The following INPP5A variants were observed in gnomAD, a reference collection of about 807,000 sequenced individuals.
The protein encoded by INPP5A is 43 kDa inositol polyphosphate 5-phophatase.
A neutral mutation model predicts 65.2 loss-of-function variants in INPP5A; 14 were observed. The ratio of observed to expected loss-of-function variants is 0.21; its 90% CI spans 0.14 to 0.34. The LOEUF (loss-of-function observed/expected upper bound fraction) is 0.34. Ranked by LOEUF, INPP5A falls within the 10% of genes least tolerant of loss-of-function variation. The probability of loss-of-function intolerance (pLI) is 1.00; values close to 1 mark genes in which losing one functional copy is unlikely to be tolerated. For synonymous variants in INPP5A, 207 were observed against 208.3 expected, an observed-to-expected ratio of 0.99 and a Z score of 0.05; for missense variants, 431 against 545.6, an observed-to-expected ratio of 0.79 and a Z score of 2.09.
intron 1 of INPP5A, among the ~76,000 whole-genome samples, chr10:132,586,336 G>GT (rs2071544390): frequency 6.6e-6 from 1 of 152,230 alleles, no homozygotes; most frequent in South Asian, 2.1e-4. Flanking sequence ...CACACGTTTG[G>GT]TTTTTTGTGA....
intron 12 of INPP5A, among the ~76,000 whole-genome samples, chr10:132,774,987 G>A (rs1368146127): frequency 2.0e-5 from 2 of 99,810 alleles, no homozygotes; most frequent in Admixed American, 1.0e-4. Context: ...GGGAGGAGGG[G>A]CAGGGAGGAG....
rs182224834 is a variant in INPP5A at position 132,776,063 on chromosome 10, C to T, written c.978-1608C>T. ...CAGGCCCCTGCCTGCATCCAGTTTC[C>T]ACTCGTGTCCGCGGTTGGGATCAGC... On this transcript the variant is annotated intron_variant, in intron 12 of 15. Coordinates refer to ENST00000368594, the MANE Select transcript of INPP5A (RefSeq NM_005539.5). 5.7e-4 allele frequency among the ~76,000 whole-genome samples: 87 copies of T among 152,218 alleles called. No homozygotes were observed. The East Asian group carries it at 0.014, about 25-fold the overall frequency.
intron 8 of INPP5A, among the ~76,000 whole-genome samples, chr10:132,712,592 ATG>A (rs1406308707): frequency 1.4e-5 from 2 of 138,884 alleles, no homozygotes; most frequent in South Asian, 2.3e-4. Context: ...GTGCGGGTGT[ATG>A]TGTGCGCGGG....
chr10:132,711,409 G>T (rs1845634630), intron 8 of INPP5A, among the ~76,000 whole-genome samples: 1 of 152,196 alleles, frequency 6.6e-6, no homozygotes, highest in Non-Finnish European at 1.5e-5. Context: ...GCCTGTCATG[G>T]AAACCTTTCC....
intron 11 of INPP5A, among the ~76,000 whole-genome samples, chr10:132,756,062 G>T (rs1446132906): frequency 6.6e-6 from 1 of 152,338 alleles, no homozygotes; most frequent in Non-Finnish European, 1.5e-5. Flanking sequence ...CCCATCATTG[G>T]GTGGTCAGAT....
At chr10:132,604,400 A>G (rs543903241) in intron 1 of INPP5A, among the ~76,000 whole-genome samples, 1 of 152,228 alleles carries the variant, frequency 6.6e-6, no homozygotes, top group South Asian at 2.1e-4. Flanking sequence ...CCCTGCAAAC[A>G]TCCTCCTTTC....
intron 6 of INPP5A, among the ~76,000 whole-genome samples, chr10:132,702,961 G>C (rs1455385437): frequency 6.6e-6 from 1 of 152,186 alleles, no homozygotes; most frequent in Non-Finnish European, 1.5e-5. Flanking sequence ...CGTGGGAGCT[G>C]GCAGAGGGCG....
At chr10:132,765,019 G>T (rs1420544221) in intron 11 of INPP5A, among the ~76,000 whole-genome samples, 3 of 142,066 alleles carry the variant, frequency 2.1e-5, no homozygotes, top group Non-Finnish European at 4.5e-5. Context: ...ACACGGCCGG[G>T]CCAGTCCTGC....
At chr10:132,699,130 C>T (rs1033083624) in intron 6 of INPP5A, among the ~76,000 whole-genome samples, 11 of 152,210 alleles carry the variant, frequency 7.2e-5, no homozygotes, top group Non-Finnish European at 1.2e-4. Context: ...ACAGTAGTTG[C>T]GTCCCTGGGT....
chr10:132,652,259 A>G (rs2072587801), intron 4 of INPP5A, among the ~76,000 whole-genome samples: 1 of 152,248 alleles, frequency 6.6e-6, no homozygotes, highest in Non-Finnish European at 1.5e-5. Flanking sequence ...AGGTGACTGA[A>G]CTTGAAGACA....
At chr10:132,657,206 C>T (rs1313441485) in intron 4 of INPP5A, among the ~76,000 whole-genome samples, 1 of 152,226 alleles carries the variant, frequency 6.6e-6, no homozygotes, top group Non-Finnish European at 1.5e-5. Context: ...GGCAGAGTGG[C>T]CACAGCACGT....
intron 9 of INPP5A, among the ~76,000 whole-genome samples, chr10:132,740,027 C>T (rs891096584): frequency 7.2e-5 from 11 of 152,206 alleles, no homozygotes; most frequent in Non-Finnish European, 1.0e-4. Flanking sequence ...AGGACTTGCA[C>T]GTTGGGGCCG....
At position 132,741,638 on chromosome 10, in the gene INPP5A, C is replaced by A. The variant is rs1379908928; in HGVS notation, c.733-7879C>A. ...CCCTCGTCACACCCAGAACAGGATA[C>A]CCCGGAATGAAGGTGGACGTTGGTA... is the stretch of plus-strand genomic sequence containing the variant. On this transcript the variant is annotated intron_variant, in intron 9 of 15. Transcript: ENST00000368594. The surrounding 1 kb of genome is among the most constrained non-coding windows in gnomAD (Gnocchi z 4.4). Among the ~76,000 whole-genome samples the A allele has an allele frequency of 6.6e-6, 1 of 152,204 alleles. No homozygotes were observed. The highest frequency in any genetic ancestry group is 1.5e-5 in the Non-Finnish European group (1 of 68,048).
intron 9 of INPP5A, among the ~76,000 whole-genome samples, chr10:132,733,749 T>C (rs1056737015): frequency 1.3e-5 from 2 of 152,018 alleles, no homozygotes; most frequent in South Asian, 2.1e-4. Flanking sequence ...CGGGGTGATA[T>C]TGGCCTCCCT....
chr10:132,598,485 G>A (rs1043756033), intron 1 of INPP5A, among the ~76,000 whole-genome samples: 10 of 152,168 alleles, frequency 6.6e-5, no homozygotes, highest in African/African-American at 1.7e-4. Context: ...ACATGAGTGC[G>A]ATCATACATT....
At chr10:132,756,683 C>T (rs1846625102) in intron 11 of INPP5A, among the ~76,000 whole-genome samples, 1 of 152,258 alleles carries the variant, frequency 6.6e-6, no homozygotes. Flanking sequence ...TGCGTTTCTT[C>T]TCCCACACTT....
At chr10:132,711,351 G>T (rs1263227140) in intron 8 of INPP5A, among the ~76,000 whole-genome samples, 2 of 152,296 alleles carry the variant, frequency 1.3e-5, no homozygotes, top group Admixed American at 6.5e-5. Flanking sequence ...TGAAGCTCAG[G>T]CCCCACAGCC....
At chr10:132,576,864 T>G (rs1365379812) in intron 1 of INPP5A, among the ~76,000 whole-genome samples, 2 of 152,030 alleles carry the variant, frequency 1.3e-5, no homozygotes, top group African/African-American at 4.8e-5. Flanking sequence ...AACCCGGGTT[T>G]TAGAGTGAGA....
At chr10:132,600,341 ATGC>A (rs1399511157) in intron 1 of INPP5A, among the ~76,000 whole-genome samples, 1 of 152,174 alleles carries the variant, frequency 6.6e-6, no homozygotes, top group African/African-American at 2.4e-5. Context: ...CACGGGCAAA[ATGC>A]TGCCAGTCTC....
Sources: allele counts gnomAD v4.1 joint callset (sites outside exome capture counted in the v4.1 genomes callset), GRCh38; gene constraint gnomAD v4.1.1; non-coding constraint Gnocchi (gnomAD v3.1); transcripts MANE v1.5; gene names NCBI Gene and HGNC (gene_info 2026-07-23, HGNC 2026-07-21).